PGBD2: variants seen among roughly 807,000 people sequenced by gnomAD.
PGBD2 encodes piggyBac transposable element derived 2.
PGBD2 carries 6 observed loss-of-function variants against 8.1 expected under a neutral mutation model. That is an observed-to-expected ratio of 0.74 (90% CI 0.40 to 1.46). The LOEUF (loss-of-function observed/expected upper bound fraction) is 1.46. Among genes scored for constraint, PGBD2 ranks in the 40% most tolerant of loss-of-function variants. The pLI is 0.02. For missense variants in PGBD2, 802 were observed against 739.0 expected, an observed-to-expected ratio of 1.09 and a Z score of -0.99; for synonymous variants, 318 against 272.2, an observed-to-expected ratio of 1.17 and a Z score of -1.66.
At position 248,916,939 on chromosome 1, in the gene PGBD2, C is replaced by T. The variant is rs1245172797; in HGVS notation, c.355C>T (p.Pro119Ser). 2 of 1,613,568 alleles carry T rather than the reference C, an allele frequency of 1.2e-6. No homozygotes were observed. Among genetic ancestry groups the T allele is most frequent in the Non-Finnish European group, 1.7e-6 (2 of 1,179,810 alleles). The part of the protein sequence containing the change: ...QRIWTKRDIR[P>S]DFGSWTASDP... ...CATTTGGACCAAAAGAGATATTCGT[C>T]CAGACTTTGGCAGTTGGACTGCATC... Residue 119 changes from proline (P) to serine (S), a missense_variant, in exon 3 of 3, where the codon CCA becomes TCA. Coordinates refer to ENST00000329291, the MANE Select transcript of PGBD2 (RefSeq NM_170725.3).
chr1:248,924,026 CAG>C (rs1442815551), downstream of PGBD2, among the ~76,000 whole-genome samples: 2 of 152,236 alleles, frequency 1.3e-5, no homozygotes, highest in Non-Finnish European at 2.9e-5. Context: ...AGCTTCTTGA[CAG>C]GGGACACAGA....
At chr1:248,882,849 G>A in the PGBD2 span, among the ~76,000 whole-genome samples, 3 of 152,288 alleles carry the variant, frequency 2.0e-5, no homozygotes, top group East Asian at 5.8e-4. Flanking sequence ...AATCCTGCAT[G>A]CAATTTTGTA....
the PGBD2 span, among the ~76,000 whole-genome samples, chr1:248,874,327 G>C: frequency 0.039 from 5,890 of 152,274 alleles, 378 homozygotes; most frequent in African/African-American, 0.13. Flanking sequence ...AAAGTAAGCC[G>C]TTTTAAAAAC....
At chr1:248,916,579 G>C in intron 2 of PGBD2, 23 bp from the exon 3 acceptor site, 2 of 1,606,446 alleles carry the variant, frequency 1.2e-6, no homozygotes, top group Non-Finnish European at 1.7e-6. Context: ...GCCTCTTCCT[G>C]ATTCTGTTTC....
At chr1:248,903,861 G>T (rs6587761), upstream of PGBD2, among the ~76,000 whole-genome samples, 281 of 152,158 alleles carry the variant, frequency 1.8e-3, 1 homozygote, top group African/African-American at 6.0e-3. Context: ...AAACTTTAAT[G>T]TAGTCAGCAA....
the PGBD2 span, among the ~76,000 whole-genome samples, chr1:248,928,823 C>T: frequency 2.6e-5 from 4 of 152,206 alleles, no homozygotes; most frequent in African/African-American, 9.7e-5. Context: ...TGACTTTTCG[C>T]ACCTTAAATC....
Position 248,916,936 on chromosome 1 carries a change from C to A in PGBD2, c.352C>A (p.Arg118Ser). ...GCGCATTTGGACCAAAAGAGATATT[C>A]GTCCAGACTTTGGCAGTTGGACTGC... ...PQRIWTKRDI[R>S]PDFGSWTASD... The change falls in exon 3 of 3, where the codon CGT becomes AGT. Residue 118 changes from arginine (R) to serine (S), a missense_variant. Transcript: ENST00000329291. 3 of 1,613,624 alleles carry A rather than the reference C, an allele frequency of 1.9e-6. No individual in the cohort carries two copies. Among genetic ancestry groups the A allele is most frequent in the Non-Finnish European group, 2.5e-6 (3 of 1,179,778 alleles).
Position 248,906,330 on chromosome 1 carries a change from T to TG in PGBD2, c.-56dup, listed in dbSNP as rs1661634524. 6.6e-6 allele frequency: 1 copy of TG among 151,880 alleles called. No individual in the cohort carries two copies. The highest frequency in any genetic ancestry group is 6.6e-5 in the Admixed American group (1 of 15,252). 9.4% of individuals were successfully genotyped at this position (151,880 alleles called of 1,614,324 possible). A position where few individuals can be genotyped will look rare whatever the true frequency, so the allele number is the denominator to read the frequency against. On this transcript the variant is annotated 5_prime_UTR_variant, in exon 1 of 3. An upstream open reading frame in the 5' UTR loses its in-frame stop. Transcript: ENST00000329291. Reference sequence around the variant, plus strand: ...CGGTTCGGGCTCGCGAGTCTCCGTCTGGGGTAGGGCAGGTAGGCCTCAGTG... The same window carrying TG: ...CGGTTCGGGCTCGCGAGTCTCCGTCTGGGGGTAGGGCAGGTAGGCCTCAGTG...
the PGBD2 span, among the ~76,000 whole-genome samples, chr1:248,892,701 C>T: frequency 6.6e-6 from 1 of 152,164 alleles, no homozygotes; most frequent in African/African-American, 2.4e-5. Flanking sequence ...TTGGAATATC[C>T]TGCCTGATAA....
the PGBD2 span, among the ~76,000 whole-genome samples, chr1:248,893,795 T>A: frequency 1.3e-3 from 193 of 152,344 alleles, no homozygotes; most frequent in African/African-American, 4.4e-3. Context: ...CTAGTTTAAG[T>A]CTTTTTTTCA....
the PGBD2 span, among the ~76,000 whole-genome samples, chr1:248,875,308 C>CAAAAAAAA: frequency 3.9e-4 from 43 of 110,236 alleles, no homozygotes; most frequent in South Asian, 9.2e-4. Flanking sequence ...AAAAACAAAA[C>CAAAAAAAA]AAAAAAAAAA....
At chr1:248,927,840 GTAGA>G in the PGBD2 span, among the ~76,000 whole-genome samples, 2 of 152,238 alleles carry the variant, frequency 1.3e-5, no homozygotes, top group South Asian at 2.1e-4. Context: ...TGATAGGCAG[GTAGA>G]TAGATAGATG....
chr1:248,921,157 T>A (rs1662278837), downstream of PGBD2, among the ~76,000 whole-genome samples: 1 of 152,212 alleles, frequency 6.6e-6, no homozygotes, highest in Admixed American at 6.5e-5. Flanking sequence ...AGATCCCATT[T>A]GTCAGTTTTG....
At chr1:248,920,158 T>A (rs535953335), downstream of PGBD2, among the ~76,000 whole-genome samples, 1 of 152,286 alleles carries the variant, frequency 6.6e-6, no homozygotes, top group South Asian at 2.1e-4. Flanking sequence ...TTTTTTTTTC[T>A]TAATTATACT....
chr1:248,876,417 C>T, the PGBD2 span, among the ~76,000 whole-genome samples: 5,888 of 152,238 alleles, frequency 0.039, 378 homozygotes, highest in African/African-American at 0.13. Flanking sequence ...GGAGGGTTTG[C>T]TATTCTTTTG....
chr1:248,910,422 C>T (rs569201945), intron 1 of PGBD2, among the ~76,000 whole-genome samples: 1 of 152,308 alleles, frequency 6.6e-6, no homozygotes, highest in African/African-American at 2.4e-5. Flanking sequence ...CACATTGACT[C>T]TTACTGTTTT....
At chr1:248,928,952 A>C in the PGBD2 span, among the ~76,000 whole-genome samples, 1 of 152,234 alleles carries the variant, frequency 6.6e-6, no homozygotes, top group Non-Finnish European at 1.5e-5. Flanking sequence ...CTCTGGAATG[A>C]AATGAATTCT....
At chr1:248,929,010 C>A in the PGBD2 span, among the ~76,000 whole-genome samples, 33 of 152,192 alleles carry the variant, frequency 2.2e-4, no homozygotes, top group Non-Finnish European at 4.0e-4. Flanking sequence ...TTTGTGAGAT[C>A]TCCTTCAAAT....
the PGBD2 span, among the ~76,000 whole-genome samples, chr1:248,878,494 A>G: frequency 4.4e-4 from 67 of 152,290 alleles, no homozygotes; most frequent in Non-Finnish European, 7.3e-4. Context: ...CTTTATGACC[A>G]TAAAGGCAGT....
Sources: allele counts gnomAD v4.1 joint callset (sites outside exome capture counted in the v4.1 genomes callset), GRCh38; gene constraint gnomAD v4.1.1; transcripts MANE v1.5; gene names NCBI Gene and HGNC (gene_info 2026-07-23, HGNC 2026-07-21).